The following PLXNA1 variants were observed in gnomAD, a reference collection of about 807,000 sequenced individuals.
The protein encoded by PLXNA1 is plexin A1.
PLXNA1 carries 77 observed loss-of-function variants against 191.7 expected under a neutral mutation model. The observed-to-expected ratio is 0.40, with a 90% CI of 0.33 to 0.49. The LOEUF (loss-of-function observed/expected upper bound fraction) is 0.49, where lower values mean the gene tolerates loss of function less well. Ranked by LOEUF, PLXNA1 falls within the 20% of genes least tolerant of loss-of-function variation. The probability of loss-of-function intolerance (pLI) is 0.63; values close to 1 mark genes in which losing one functional copy is unlikely to be tolerated. For synonymous variants in PLXNA1, 1,137 were observed against 1,156.4 expected, an observed-to-expected ratio of 0.98 and a Z score of 0.34; for missense variants, 2,110 against 2,660.2, an observed-to-expected ratio of 0.79 and a Z score of 4.55.
At chr3:127,021,510 A>G (rs2079152050) in intron 21 of PLXNA1, among the ~76,000 whole-genome samples, 1 of 152,032 alleles carries the variant, frequency 6.6e-6, no homozygotes, top group Non-Finnish European at 1.5e-5. Context: ...CCTTTTTCCT[A>G]CCTGCAGTGT....
chr3:127,012,681 G>A (rs1038575456), intron 10 of PLXNA1, among the ~76,000 whole-genome samples: 5 of 152,270 alleles, frequency 3.3e-5, no homozygotes, highest in African/African-American at 7.2e-5. Context: ...CCTGTGGTCC[G>A]AGCATGCGTA....
At position 127,014,061 on chromosome 3, in the gene PLXNA1, C is replaced by A. The variant is rs1008154383; in HGVS notation, c.2355C>A (p.Asn785Lys). 5 of 1,614,014 alleles carry A rather than the reference C, an allele frequency of 3.1e-6. No homozygotes were observed. Among genetic ancestry groups the A allele is most frequent in the Non-Finnish European group, 1.7e-6 (2 of 1,179,990 alleles). ...EGNDVSDLPV[N>K]LSVVWNGNFV... ...ACGATGTCAGCGACCTGCCAGTGAA[C>A]CTGTCAGTCGTGTGGAACGGCAACT... The change falls in exon 11 of 32, where the codon AAC (asparagine) becomes AAA (lysine). Residue 785 changes from asparagine (N) to lysine (K), a missense_variant. Physicochemically the swap from Asn to Lys is moderately conservative, Grantham distance 94. This residue lies in a region of PLXNA1 where 644 missense variants were observed against 714.3 expected (regional missense o/e 0.90). Coordinates refer to ENST00000393409, the MANE Select transcript of PLXNA1 (RefSeq NM_032242.4).
intron 20 of PLXNA1, 143 bp from the exon 21 acceptor site, chr3:127,020,057 ACG>A: frequency 1.1e-6 from 1 of 949,194 alleles, no homozygotes; most frequent in Non-Finnish European, 1.6e-6. Flanking sequence ...TAGCTGGGGG[ACG>A]AAGAGGCACA....
At position 127,018,518 on chromosome 3, in the gene PLXNA1, A is replaced by G; in HGVS notation, c.3885A>G (p.Glu1295=). The change falls in exon 20 of 32, where the codon GAA becomes GAG. Residue 1295 remains glutamate, a synonymous_variant. Coordinates refer to ENST00000393409, the MANE Select transcript of PLXNA1 (RefSeq NM_032242.4). ...MDNLESRVAL[E]CKEAFAELQT... ...ACCTGGAGTCCCGCGTGGCCCTCGAATGCAAGGAAGGTCTGTTGGGGCCAG... is the reference window on the plus strand; with the variant it reads ...ACCTGGAGTCCCGCGTGGCCCTCGAGTGCAAGGAAGGTCTGTTGGGGCCAG... The G allele has an allele frequency of 6.2e-7, 1 of 1,608,414 alleles. No homozygotes were observed. Among genetic ancestry groups the G allele is most frequent in the East Asian group, 2.2e-5 (1 of 44,730 alleles).
Position 127,028,287 on chromosome 3 carries a change from C to G in PLXNA1, c.4616C>G (p.Ala1539Gly), listed in dbSNP as rs905040158. The change falls in exon 25 of 32, where the codon GCC becomes GGC. Residue 1539 changes from alanine to glycine, a missense_variant. Transcript: ENST00000393409. Reference sequence around the variant, plus strand: ...GCCAAGGAGAAGCTGCTGGACGCTGCCTACAAGGGCGTGCCCTACTCCCAG... The same window carrying G: ...GCCAAGGAGAAGCTGCTGGACGCTGGCTACAAGGGCGTGCCCTACTCCCAG... ...TQAKEKLLDA[A>G]YKGVPYSQRP... is the part of the protein sequence containing the mutation. 10 of 1,612,734 alleles carry G rather than the reference C, an allele frequency of 6.2e-6. No homozygotes were observed. In the Middle Eastern group the frequency reaches 5.0e-4, roughly 80 times the overall value.
chr3:126,992,957 G>A (rs1017670374), intron 3 of PLXNA1, among the ~76,000 whole-genome samples: 4 of 152,162 alleles, frequency 2.6e-5, no homozygotes, highest in South Asian at 2.1e-4. Flanking sequence ...ACAGAGGACC[G>A]TGCTTGTGTG....
At chr3:126,992,761 A>G (rs1006295659) in intron 3 of PLXNA1, among the ~76,000 whole-genome samples, 2 of 151,884 alleles carry the variant, frequency 1.3e-5, no homozygotes, top group African/African-American at 4.8e-5. Context: ...CTGATGGGGA[A>G]AGTCCTGTGA....
chr3:126,999,213 G>A (rs1291860246), intron 3 of PLXNA1, among the ~76,000 whole-genome samples: 1 of 152,220 alleles, frequency 6.6e-6, no homozygotes, highest in Non-Finnish European at 1.5e-5. Context: ...CCCTCGGGCA[G>A]CCCTTCCTGG....
intron 25 of PLXNA1, 116 bp downstream of exon 25, chr3:127,028,456 C>G (rs1488806147): frequency 3.3e-6 from 4 of 1,212,330 alleles, no homozygotes; most frequent in South Asian, 1.6e-5. Context: ...CCAGGCTGGT[C>G]TGGAGGGCAG....
rs1260941985 is a variant in PLXNA1, at chr3:126,988,166, GGCTGCTCTCCAGGTTGGT to G, written c.-73-353_-73-336del. Among the ~76,000 whole-genome samples the G allele has an allele frequency of 2.6e-5, 4 of 152,184 alleles. No individual in the cohort carries two copies. In the East Asian group the frequency reaches 7.7e-4, roughly 29 times the overall value. ...AGTGCATAGGGAGGCTCTGGGTGAA[GGCTGCTCTCCAGGTTGGT>G]GTCAGATGTTGGTGTCAGCTGGGGT... is the stretch of plus-strand genomic sequence containing the variant. On this transcript the variant is annotated intron_variant, in intron 1 of 31. Transcript: ENST00000393409.
chr3:127,020,357 G>T lies in PLXNA1; in HGVS notation c.4038+13G>T, dbSNP rs903471578. 1 of 1,611,004 alleles carries T rather than the reference G, an allele frequency of 6.2e-7. No homozygotes were observed. Among genetic ancestry groups the T allele is most frequent in the Non-Finnish European group, 8.5e-7 (1 of 1,178,970 alleles). ...CAAGGAGATGGAGGTAGGACCACTG[G>T]CTCCGGGGGGTCACAGGAACTCAGA... On this transcript the variant is annotated intron_variant, in intron 21 of 31. Transcript: ENST00000393409.
At chr3:127,008,036 C>A in intron 9 of PLXNA1, 123 bp downstream of exon 9, 1 of 633,328 alleles carries the variant, frequency 1.6e-6, no homozygotes, top group Non-Finnish European at 2.7e-6. Context: ...TGGGATGTCA[C>A]CGTGTGGTGC....
Position 127,006,149 on chromosome 3 carries a change from C to T in PLXNA1, c.1968C>T (p.Phe656=), listed in dbSNP as rs751981690. 4 of 1,613,718 alleles carry T rather than the reference C, an allele frequency of 2.5e-6. No individual in the cohort carries two copies. The highest frequency in any genetic ancestry group is 2.5e-6 in the Non-Finnish European group (3 of 1,179,944). ...ETGKKFASVD[F]VFYNCSVHQS... ...GGAAGAAGTTTGCGTCTGTGGACTT[C>T]GTCTTCTACAACTGCAGCGTCCACC... Residue 656 remains phenylalanine, a synonymous_variant, in exon 8 of 32, where the codon TTC becomes TTT. Coordinates refer to ENST00000393409, the MANE Select transcript of PLXNA1 (RefSeq NM_032242.4).
At position 127,018,600 on chromosome 3, in the gene PLXNA1, C is replaced by A. The variant is rs919747737; in HGVS notation, c.3895+72C>A. 23 of 1,154,202 alleles carry A rather than the reference C, an allele frequency of 2.0e-5. No homozygotes were observed. In the Admixed American group the frequency reaches 3.2e-4, roughly 16 times the overall value. The allele number at this position is 1,154,202 out of a possible 1,614,324, so 71.5% of individuals were successfully genotyped here. ...AGGCCCTGGCCTGTCCCCACACCTA[C>A]TTCCCACCGCCGCCCCCACCCTGCT... On this transcript the variant is annotated intron_variant, in intron 20 of 31. Transcript: ENST00000393409.
intron 14 of PLXNA1, 150 bp from the exon 15 acceptor site, chr3:127,015,034 G>A: frequency 6.7e-6 from 9 of 1,346,504 alleles, no homozygotes; most frequent in Non-Finnish European, 9.0e-6. Context: ...GAGAAACCTG[G>A]AAGTACTGGC....
chr3:127,024,255 G>A (rs2079166642), intron 23 of PLXNA1, among the ~76,000 whole-genome samples: 1 of 152,204 alleles, frequency 6.6e-6, no homozygotes, highest in African/African-American at 2.4e-5. Context: ...CCGACGTTGG[G>A]TGTGGATTCT....
intron 5 of PLXNA1, 63 bp downstream of exon 5, chr3:127,004,774 G>A: frequency 6.3e-7 from 1 of 1,590,460 alleles, no homozygotes; most frequent in South Asian, 1.1e-5. Context: ...CAGTGGGGGA[G>A]GGGGAGCCTG....
intron 29 of PLXNA1, among the ~76,000 whole-genome samples, chr3:127,031,053 C>T (rs2079207591): frequency 6.6e-6 from 1 of 152,178 alleles, no homozygotes; most frequent in Non-Finnish European, 1.5e-5. Flanking sequence ...CCTGGCCAGC[C>T]AGTCCCTTGC....
In PLXNA1 at chr3:127,004,873, C is replaced by G. The variant is rs753084442; in HGVS notation, c.1620-12C>G. On this transcript the variant is annotated splice_polypyrimidine_tract_variant and intron_variant, in intron 5 of 31. Coordinates refer to ENST00000393409, the MANE Select transcript of PLXNA1 (RefSeq NM_032242.4). The stretch of plus-strand genomic sequence containing the variant: ...CTCCCCATCCGCCCAGCCTCAACCC[C>G]TCTGCCTGCAGCTGCTCGCGGCGGG... 6.3e-7 allele frequency: 1 copy of G among 1,581,180 alleles called. No individual in the cohort carries two copies. The highest frequency in any genetic ancestry group is 1.2e-5 in the South Asian group (1 of 86,136).
Sources: allele counts gnomAD v4.1 joint callset (sites outside exome capture counted in the v4.1 genomes callset), GRCh38; gene constraint gnomAD v4.1.1; regional missense constraint gnomAD v4.1.1; transcripts MANE v1.5; gene names NCBI Gene and HGNC (gene_info 2026-07-23, HGNC 2026-07-21).